Variants in HEATR5B observed in about 807,000 individuals in gnomAD.
The protein encoded by HEATR5B is HEAT repeat-containing protein 5B.
In HEATR5B, 156 loss-of-function variants were observed where a neutral mutation model predicts 224.1. The observed-to-expected ratio is 0.70, with a 90% CI of 0.61 to 0.80. The LOEUF (loss-of-function observed/expected upper bound fraction) is 0.80. Among genes scored for constraint, HEATR5B ranks in the 30% least tolerant of loss-of-function variants. The pLI is 0.00. For missense variants in HEATR5B, 2,323 were observed against 2,535.5 expected (o/e 0.92, Z 1.80); for synonymous variants, 1,027 against 893.0 (o/e 1.15, Z -2.68).
intron 11 of HEATR5B, among the ~76,000 whole-genome samples, chr2:37,061,052 G>T (rs887127635): frequency 2.0e-5 from 3 of 152,038 alleles, no homozygotes; most frequent in African/African-American, 7.2e-5. Context: ...GAGAATGGTG[G>T]ATTGCATATT....
intron 33 of HEATR5B, among the ~76,000 whole-genome samples, chr2:37,000,375 C>T (rs565885608): frequency 6.6e-6 from 1 of 152,218 alleles, no homozygotes; most frequent in East Asian, 1.9e-4. Context: ...CACGCCTGGC[C>T]CCAACATGTT....
At chr2:36,992,081 C>T (rs1255253066) in intron 33 of HEATR5B, among the ~76,000 whole-genome samples, 1 of 152,058 alleles carries the variant, frequency 6.6e-6, no homozygotes, top group East Asian at 1.9e-4. Flanking sequence ...GCCTGTAATC[C>T]CAGCTATTTG....
intron 26 of HEATR5B, among the ~76,000 whole-genome samples, chr2:37,015,491 T>C: frequency 6.6e-6 from 1 of 152,164 alleles, no homozygotes; most frequent in Non-Finnish European, 1.5e-5. Flanking sequence ...GACTTGTAGT[T>C]AGAAATCCCA....
Position 37,075,470 on chromosome 2 carries a change from T to C in HEATR5B, c.597+15A>G, listed in dbSNP as rs749715199. The C allele has an allele frequency of 2.0e-5, 32 of 1,594,644 alleles. No homozygotes were observed. Among genetic ancestry groups the C allele is most frequent in the Non-Finnish European group, 2.6e-5 (31 of 1,170,694 alleles). On this transcript the variant is annotated intron_variant, in intron 5 of 35. Transcript: ENST00000233099. The stretch of plus-strand genomic sequence containing the variant: ...AAGGATAAAGAGCAGTATTCTAAAT[T>C]GGTCGAGTACTAACCTTGGCCACTG...
intron 12 of HEATR5B, among the ~76,000 whole-genome samples, 192 bp downstream of exon 12, chr2:37,060,389 T>A (rs139873127): frequency 6.6e-6 from 1 of 152,312 alleles, no homozygotes; most frequent in African/African-American, 2.4e-5. Flanking sequence ...TTTCAGAGTC[T>A]GGGTTTCATT....
At chr2:37,051,784 G>C (rs1670567776) in intron 17 of HEATR5B, among the ~76,000 whole-genome samples, 1 of 151,766 alleles carries the variant, frequency 6.6e-6, no homozygotes, top group East Asian at 1.9e-4. Context: ...CTGTCCCCCA[G>C]GCTGGAGTGC....
chr2:36,991,289 G>A (rs972303475), intron 33 of HEATR5B, among the ~76,000 whole-genome samples: 8 of 151,684 alleles, frequency 5.3e-5, no homozygotes, highest in African/African-American at 1.9e-4. Context: ...CACTTTGGGA[G>A]GCCGAGGCAG....
chr2:37,066,593 C>T (rs1225422122), intron 8 of HEATR5B, among the ~76,000 whole-genome samples: 5 of 152,056 alleles, frequency 3.3e-5, no homozygotes, highest in Non-Finnish European at 5.9e-5. Context: ...TTTTAGCTTC[C>T]ACTAGAATCG....
chr2:37,070,374 A>G lies in HEATR5B; in HGVS notation c.783T>C (p.Asn261=), dbSNP rs1671834831. 6.2e-7 allele frequency: 1 copy of G among 1,613,226 alleles called. No homozygotes were observed. Among genetic ancestry groups the G allele is most frequent in the Non-Finnish European group, 8.5e-7 (1 of 1,179,502 alleles). ...MPKQATVMRQ[N]VKRATFDEVL... ...CTTCATCAAATGTTGCTCGCTTCACATTCTGACGCATTACTTTCAAGAAGA... is the reference window on the plus strand; with the variant it reads ...CTTCATCAAATGTTGCTCGCTTCACGTTCTGACGCATTACTTTCAAGAAGA... The change falls in exon 7 of 36, where the codon AAT becomes AAC. Residue 261 remains asparagine, a synonymous_variant. Coordinates refer to ENST00000233099, the MANE Select transcript of HEATR5B (RefSeq NM_019024.3).
At chr2:37,035,412 G>A (rs1039969878) in intron 21 of HEATR5B, among the ~76,000 whole-genome samples, 5 of 152,094 alleles carry the variant, frequency 3.3e-5, no homozygotes, top group African/African-American at 9.7e-5. Context: ...TGGACACTCC[G>A]TTGTGTTCCA....
chr2:37,074,974 G>T (rs2148597693), intron 5 of HEATR5B, among the ~76,000 whole-genome samples: 1 of 152,336 alleles, frequency 6.6e-6, no homozygotes, highest in African/African-American at 2.4e-5. Context: ...TAGAAATGCA[G>T]AATGGCACGA....
At chr2:37,056,352 T>C (rs1225637434) in intron 16 of HEATR5B, 88 bp downstream of exon 16, 3 of 846,838 alleles carry the variant, frequency 3.5e-6, no homozygotes, top group Non-Finnish European at 5.3e-6. Context: ...ACTCACTTTA[T>C]TGCAGAGTTA....
Position 37,020,818 on chromosome 2 carries a change from T to C in HEATR5B, c.3872A>G (p.His1291Arg), listed in dbSNP as rs745791375. 1 of 1,559,166 alleles carries C rather than the reference T, an allele frequency of 6.4e-7. No individual in the cohort carries two copies. The highest frequency in any genetic ancestry group is 8.6e-7 in the Non-Finnish European group (1 of 1,160,806). ...TGCCATGCGAATGAGGTCAGAGAGA[T>C]GAAGTACCAAGAGGTCATCTAAAAA... is the stretch of plus-strand genomic sequence containing the variant. ...RNPTNDLLVL[H>R]LSDLIRMAFM... Residue 1291 changes from histidine to arginine, a missense_variant, in exon 25 of 36, where the codon CAT (histidine) becomes CGT (arginine). Physicochemically the swap from His to Arg is conservative, Grantham distance 29. Transcript: ENST00000233099.
chr2:37,081,192 G>A lies in HEATR5B; in HGVS notation c.127-1861C>T, dbSNP rs191691692. On this transcript the variant is annotated intron_variant, in intron 2 of 35. Transcript: ENST00000233099. The stretch of plus-strand genomic sequence containing the variant: ...AGAGGATTTAAGAGAAAACAGAAAC[G>A]TCTAGTTGACAATTACAAGTGAATC... Among the ~76,000 whole-genome samples the A allele has an allele frequency of 1.5e-3, 226 of 152,242 alleles. 1 individual carries two copies. Among genetic ancestry groups the A allele is most frequent in the African/African-American group, 5.2e-3 (215 of 41,544 alleles).
chr2:37,032,049 T>C (rs1188971740), intron 22 of HEATR5B, among the ~76,000 whole-genome samples: 2 of 152,328 alleles, frequency 1.3e-5, no homozygotes, highest in African/African-American at 4.8e-5. Context: ...TGACATTTCA[T>C]AGTTTTATTG....
At position 37,072,177 on chromosome 2, in the gene HEATR5B, T is replaced by C. The variant is rs370207486; in HGVS notation, c.702A>G (p.Val234=). Residue 234 remains valine, a synonymous_variant, in exon 6 of 36, where the codon GTA becomes GTG. Transcript: ENST00000233099. ...FKALENSNYG[V]RVAVSKLLGT... is the part of the protein sequence containing the mutation. ...CTAAAAGTTTAGACACTGCCACTCG[T>C]ACCCCATAATTTGAGTTTTCCAAAG... The C allele has an allele frequency of 6.8e-6, 11 of 1,613,940 alleles. No homozygotes were observed. Among genetic ancestry groups the C allele is most frequent in the South Asian group, 5.5e-5 (5 of 91,088 alleles).
At chr2:37,013,282 G>C (rs891744551) in intron 27 of HEATR5B, among the ~76,000 whole-genome samples, 1 of 152,180 alleles carries the variant, frequency 6.6e-6, no homozygotes, top group Non-Finnish European at 1.5e-5. Flanking sequence ...CAGATGATAA[G>C]AATTCAATAG....
chr2:37,002,240 T>C lies in HEATR5B; in HGVS notation c.5317+66A>G, dbSNP rs1572771697. On this transcript the variant is annotated intron_variant, in intron 32 of 35. Transcript: ENST00000233099. ...AACTGGGTTATAACAGTGCTTAAAATCAAAGGCAAGCTCATCTTTGTCTAC... is the reference window on the plus strand; with the variant it reads ...AACTGGGTTATAACAGTGCTTAAAACCAAAGGCAAGCTCATCTTTGTCTAC... The C allele has an allele frequency of 1.3e-5, 20 of 1,556,480 alleles. No homozygotes were observed. In the East Asian group the frequency reaches 4.1e-4, roughly 32 times the overall value.
At chr2:37,009,256 CAAAAAAAAAAA>C (rs57022846) in intron 27 of HEATR5B, among the ~76,000 whole-genome samples, 4 of 65,680 alleles carry the variant, frequency 6.1e-5, no homozygotes, top group African/African-American at 1.1e-4. Flanking sequence ...GACTCTGTCT[CAAAAAAAAAAA>C]AAAAAAAAAA....
Sources: gnomAD v4.1 joint callset for allele counts (sites outside exome capture counted in the v4.1 genomes callset) on GRCh38, gnomAD v4.1.1 for gene constraint, MANE v1.5 for transcripts, NCBI Gene and HGNC (gene_info 2026-07-23, HGNC 2026-07-21) for gene names.